The following CFAP46 variants were observed in gnomAD, a reference collection of about 807,000 sequenced individuals.
The protein encoded by CFAP46 is cilia- and flagella-associated protein 46.
Under a neutral mutation model 325.7 loss-of-function variants are expected in CFAP46, and 245 were observed. The ratio of observed to expected loss-of-function variants is 0.75; its 90% CI spans 0.68 to 0.84. CFAP46 has a LOEUF of 0.84. CFAP46 is among the 40% of genes least tolerant of loss of function. The pLI is 0.00. For synonymous variants in CFAP46, 1,523 were observed against 1,495.9 expected (o/e 1.02, Z -0.42); for missense variants, 3,346 against 3,543.0 (o/e 0.94, Z 1.41).
intron 44 of CFAP46, among the ~76,000 whole-genome samples, chr10:132,842,164 G>A (rs1327353584): frequency 6.6e-6 from 1 of 152,224 alleles, no homozygotes; most frequent in Non-Finnish European, 1.5e-5. Context: ...GTGGTTAGAA[G>A]TAGCCACGCA....
chr10:132,846,668 G>A (rs1189461188), intron 43 of CFAP46, among the ~76,000 whole-genome samples: 3 of 152,212 alleles, frequency 2.0e-5, no homozygotes, highest in Non-Finnish European at 4.4e-5. Flanking sequence ...ACCTCTGTGA[G>A]GTCCGCATGG....
intron 22 of CFAP46, 91 bp downstream of exon 22, chr10:132,908,377 C>T (rs992425663): frequency 1.3e-4 from 187 of 1,434,370 alleles, no homozygotes; most frequent in Non-Finnish European, 1.6e-4. Context: ...ACTGGTGGGG[C>T]GCTCACCTGC....
chr10:132,885,814 C>G lies in CFAP46; in HGVS notation c.3443+7G>C. On this transcript the variant is annotated splice_region_variant and intron_variant, in intron 26 of 57. Transcript: ENST00000368586. ...GAGCACTCACAGGCGGTGGGGGGAG[C>G]ACTCACAGGCGGTGGGCCGTCCTTG... The G allele has an allele frequency of 6.5e-7, 1 of 1,546,704 alleles. No homozygotes were observed. The highest frequency in any genetic ancestry group is 8.7e-7 in the Non-Finnish European group (1 of 1,145,548).
At chr10:132,934,252 AC>A (rs909062487) in intron 8 of CFAP46, among the ~76,000 whole-genome samples, 7 of 129,570 alleles carry the variant, frequency 5.4e-5, no homozygotes, top group Non-Finnish European at 4.9e-5. Flanking sequence ...CAGGGGACAA[AC>A]CCCCCCACCC....
Position 132,884,310 on chromosome 10 carries a change from C to CCGG in CFAP46, c.3627+790_3627+792dup, listed in dbSNP as rs1454412855. Among the ~76,000 whole-genome samples the CCGG allele has an allele frequency of 1.3e-5, 2 of 152,210 alleles. No individual in the cohort carries two copies. The highest frequency in any genetic ancestry group is 4.8e-5 in the African/African-American group (2 of 41,436). Reference sequence around the variant, plus strand: ...TGCCTTGATCACCCAGTGCCCTGAGCCGGCACTCACACAGCACCGTCAGAG... The same window carrying CCGG: ...TGCCTTGATCACCCAGTGCCCTGAGCCGGCGGCACTCACACAGCACCGTCAGAG... On this transcript the variant is annotated intron_variant, in intron 27 of 57. Coordinates refer to ENST00000368586, the MANE Select transcript of CFAP46 (RefSeq NM_001200049.3). The surrounding 1 kb of genome is among the most constrained non-coding windows in gnomAD (Gnocchi z 5.4).
In CFAP46 at chr10:132,913,081, G is replaced by A; in HGVS notation, c.2298C>T (p.His766=). ...CTGTGGCCTTAACGATGCTCAGGAG[G>A]TGGTACAGGGCGTCCACCAGCTCCT... ...RQKELVDALY[H]LLSIVKATGH... The change falls in exon 18 of 58, where the codon CAC becomes CAT. Residue 766 remains histidine (H), a synonymous_variant. Coordinates refer to ENST00000368586, the MANE Select transcript of CFAP46 (RefSeq NM_001200049.3). The A allele has an allele frequency of 6.5e-7, 1 of 1,550,334 alleles. No individual in the cohort carries two copies. Among genetic ancestry groups the A allele is most frequent in the South Asian group, 1.2e-5 (1 of 84,062 alleles).
In CFAP46 at chr10:132,854,714, CACTT is replaced by C. The variant is rs569045067; in HGVS notation, c.5574+2872_5574+2875del. On this transcript the variant is annotated intron_variant, in intron 39 of 57. Transcript: ENST00000368586. Reference sequence around the variant, plus strand: ...CGTTTAAAAATATACAATTCAGTGGCACTTACACGTTCACAACATTGTGCCACCA... The same window carrying C: ...CGTTTAAAAATATACAATTCAGTGGCACACGTTCACAACATTGTGCCACCA... Among the ~76,000 whole-genome samples the C allele has an allele frequency of 5.9e-5, 9 of 152,240 alleles. No homozygotes were observed. The South Asian group carries it at 1.0e-3, about 18-fold the overall frequency.
Position 132,832,907 on chromosome 10 carries a change from G to A in CFAP46, c.7117+451C>T, listed in dbSNP as rs1024840901. The A allele has an allele frequency of 4.4e-6, 2 of 451,336 alleles. No homozygotes were observed. The highest frequency in any genetic ancestry group is 2.0e-5 in the African/African-American group (1 of 49,834). The allele number at this position is 451,336 out of a possible 1,614,324, so 28.0% of individuals were successfully genotyped here. A position where few individuals can be genotyped will look rare whatever the true frequency, so the allele number is the denominator to read the frequency against. On this transcript the variant is annotated intron_variant, in intron 50 of 57. Transcript: ENST00000368586. The surrounding 1 kb of genome is among the most constrained non-coding windows in gnomAD (Gnocchi z 4.1). The stretch of plus-strand genomic sequence containing the variant: ...ACAGCGTTAAGTTTGTCTTCCCTGT[G>A]TGTTTAGCACCAGGATACTGGCACA...
intron 54 of CFAP46, 107 bp downstream of exon 54, chr10:132,814,045 G>A: frequency 1.3e-6 from 1 of 782,732 alleles, no homozygotes; most frequent in Non-Finnish European, 2.2e-6. Flanking sequence ...GTATGTGGCA[G>A]GACTGGCAGG....
intron 25 of CFAP46, among the ~76,000 whole-genome samples, chr10:132,887,870 T>C (rs1484583284): frequency 2.6e-5 from 2 of 77,782 alleles, no homozygotes; most frequent in Non-Finnish European, 4.8e-5. Context: ...CTCCTCTCCC[T>C]TCTTCTCTCT....
At chr10:132,852,245 C>G (rs1848565822) in intron 39 of CFAP46, among the ~76,000 whole-genome samples, 2 of 151,194 alleles carry the variant, frequency 1.3e-5, no homozygotes, top group African/African-American at 4.9e-5. Context: ...AGATCCCAAT[C>G]CACAGACGTG....
At chr10:132,875,585 G>A (rs1848946769) in intron 31 of CFAP46, among the ~76,000 whole-genome samples, 1 of 152,156 alleles carries the variant, frequency 6.6e-6, no homozygotes, top group African/African-American at 2.4e-5. Flanking sequence ...GCACAGGTGG[G>A]CAACTGCTCA....
chr10:132,902,523 T>C (rs569296217), intron 22 of CFAP46, among the ~76,000 whole-genome samples: 1 of 152,378 alleles, frequency 6.6e-6, no homozygotes, highest in East Asian at 1.9e-4. Flanking sequence ...GAAATTCCTG[T>C]CTGTACACTA....
At chr10:132,931,288 G>T (rs1427016719) in intron 8 of CFAP46, among the ~76,000 whole-genome samples, 1 of 70,238 alleles carries the variant, frequency 1.4e-5, no homozygotes, top group African/African-American at 5.9e-5. Context: ...CACTCCCCAC[G>T]CAGAGCCTGG....
At position 132,905,508 on chromosome 10, in the gene CFAP46, C is replaced by T. The variant is rs1460987405; in HGVS notation, c.2924+2960G>A. Among the ~76,000 whole-genome samples, 4 of 142,626 alleles carry T rather than the reference C, an allele frequency of 2.8e-5. 1 individual carries two copies. Among genetic ancestry groups the T allele is most frequent in the Non-Finnish European group, 6.0e-5 (4 of 66,638 alleles). 93.6% of individuals were successfully genotyped at this position (142,626 alleles called of 152,430 possible). On this transcript the variant is annotated intron_variant, in intron 22 of 57. Transcript: ENST00000368586. The stretch of plus-strand genomic sequence containing the variant: ...TTTTCTGGATCATATCCTCAAGAAA[C>T]TTTCTAAAAATGGTGTATGGGAAGT...
rs141868384 is a variant in CFAP46 at position 132,911,724 on chromosome 10, G to A, written c.2499+931C>T. On this transcript the variant is annotated intron_variant, in intron 19 of 57. Coordinates refer to ENST00000368586, the MANE Select transcript of CFAP46 (RefSeq NM_001200049.3). The stretch of plus-strand genomic sequence containing the variant: ...CCACATTCCATGGGATAAATGATCC[G>A]CCTGGGCCACCAGGATCGTCCCACA... Among the ~76,000 whole-genome samples the A allele has an allele frequency of 8.2e-3, 1,251 of 152,264 alleles. 12 individuals are homozygous for A. The highest frequency in any genetic ancestry group is 0.032 in the South Asian group (154 of 4,822).
rs368229143 is a variant in CFAP46 at position 132,862,063 on chromosome 10, G to A, written c.4891-1081C>T. Among the ~76,000 whole-genome samples, 1,406 of 152,382 alleles carry A rather than the reference G, an allele frequency of 9.2e-3. 12 individuals are homozygous for A. The highest frequency in any genetic ancestry group is 0.043 in the South Asian group (209 of 4,830). ...AGCCTGCATGCACCTGGGCATGGCT[G>A]TGACCGCCAGACGGCGTAGGCAGGG... On this transcript the variant is annotated intron_variant, in intron 35 of 57. Coordinates refer to ENST00000368586, the MANE Select transcript of CFAP46 (RefSeq NM_001200049.3).
At chr10:132,887,887 CTCTCT>C (rs1564790933) in intron 25 of CFAP46, among the ~76,000 whole-genome samples, 1 of 89,718 alleles carries the variant, frequency 1.1e-5, no homozygotes, top group Non-Finnish European at 2.2e-5. Context: ...CTCTCCTCTC[CTCTCT>C]CCTCTTCTCT....
At chr10:132,870,906 C>T (rs767463440) in intron 32 of CFAP46, among the ~76,000 whole-genome samples, 2 of 152,218 alleles carry the variant, frequency 1.3e-5, no homozygotes, top group Non-Finnish European at 2.9e-5. Context: ...GAAGAAGATG[C>T]CTTCTAGGAC....
Sources: allele counts gnomAD v4.1 joint callset (sites outside exome capture counted in the v4.1 genomes callset), GRCh38; gene constraint gnomAD v4.1.1; non-coding constraint Gnocchi (gnomAD v3.1); transcripts MANE v1.5; gene names NCBI Gene and HGNC (gene_info 2026-07-23, HGNC 2026-07-21).